Variants in SMYD3 observed in about 807,000 individuals in gnomAD.
SMYD3 encodes the protein SET and MYND domain containing 3, also known as histone-lysine N-methyltransferase SMYD3.
Under a neutral mutation model 57.7 loss-of-function variants are expected in SMYD3, and 36 were observed. The ratio of observed to expected loss-of-function variants is 0.62; its 90% CI spans 0.48 to 0.82. The LOEUF (loss-of-function observed/expected upper bound fraction) is 0.82. Among genes scored for constraint, SMYD3 ranks in the 40% least tolerant of loss-of-function variants. The probability of loss-of-function intolerance (pLI) is 0.00; values close to 1 mark genes in which losing one functional copy is unlikely to be tolerated. For missense variants in SMYD3, 515 were observed against 538.8 expected, an observed-to-expected ratio of 0.96 and a Z score of 0.44; for synonymous variants, 211 against 195.0, an observed-to-expected ratio of 1.08 and a Z score of -0.68.
chr1:246,263,421 G>C (rs1572300717), intron 5 of SMYD3, among the ~76,000 whole-genome samples: 1 of 152,114 alleles, frequency 6.6e-6, no homozygotes, highest in African/African-American at 2.4e-5. Flanking sequence ...AAGTTAGGGA[G>C]GCTGGGAAAT....
At position 246,189,195 on chromosome 1, in the gene SMYD3, T is replaced by A. The variant is rs191483883; in HGVS notation, c.531+138006A>T. ...CTAACTTCTTAAAGAGAAAGGTACCTTGTTGCCATGTCCTCCCTCCCACCC... is the reference window on the plus strand; with the variant it reads ...CTAACTTCTTAAAGAGAAAGGTACCATGTTGCCATGTCCTCCCTCCCACCC... On this transcript the variant is annotated intron_variant, in intron 5 of 11. Transcript: ENST00000490107. The A allele has an allele frequency of 1.7e-4, 26 of 152,332 alleles. No individual in the cohort carries two copies. In the East Asian group the frequency reaches 5.0e-3, roughly 29 times the overall value. The allele number at this position is 152,332 out of a possible 1,614,324, so 9.4% of individuals were successfully genotyped here.
Position 245,863,883 on chromosome 1 carries a change from C to T in SMYD3, c.817G>A (p.Ala273Thr), listed in dbSNP as rs528447805. The T allele has an allele frequency of 1.1e-4, 174 of 1,613,988 alleles. 1 individual carries two copies. The South Asian group carries it at 1.9e-3, about 17-fold the overall frequency. Reference protein sequence around the residue: ...CFRCQTQDKDADMLTGDEQVW... With the variant: ...CFRCQTQDKDTDMLTGDEQVW... The stretch of plus-strand genomic sequence containing the variant: ...TGCTCATCACCAGTTAGCATATCAG[C>T]ATCCTGCTCAGGCCAGAAAAGGAAG... The change falls in exon 9 of 12, where the codon GCT becomes ACT. Residue 273 changes from alanine to threonine, a missense_variant. Coordinates refer to ENST00000490107, the MANE Select transcript of SMYD3 (RefSeq NM_001167740.2).
chr1:246,304,234 T>C (rs556639503), intron 5 of SMYD3, among the ~76,000 whole-genome samples: 69 of 152,306 alleles, frequency 4.5e-4, no homozygotes, highest in African/African-American at 1.6e-3. Context: ...AAAATACATT[T>C]GCATGAACTC....
chr1:245,775,507 A>G (rs2046544722), intron 10 of SMYD3, among the ~76,000 whole-genome samples: 1 of 150,900 alleles, frequency 6.6e-6, no homozygotes, highest in Non-Finnish European at 1.5e-5. Flanking sequence ...CAGATGCTTG[A>G]AGGCAGCAGG....
chr1:246,125,312 GTTAATT>G (rs1297437626), intron 5 of SMYD3, among the ~76,000 whole-genome samples: 1 of 152,118 alleles, frequency 6.6e-6, no homozygotes, highest in Non-Finnish European at 1.5e-5. Flanking sequence ...CTTTCATCAT[GTTAATT>G]TTATCTGAAG....
At chr1:246,338,368 ACT>A (rs2065578031) in intron 2 of SMYD3, among the ~76,000 whole-genome samples, 1 of 152,194 alleles carries the variant, frequency 6.6e-6, no homozygotes. Flanking sequence ...CATTATCTTC[ACT>A]CAACAAACTA....
intron 5 of SMYD3, among the ~76,000 whole-genome samples, chr1:246,100,639 C>G (rs12561958): frequency 0.021 from 3,187 of 152,318 alleles, 142 homozygotes; most frequent in East Asian, 0.15. Context: ...TATTCACCCT[C>G]AGAGTTGGAA....
rs546688103 is a variant in SMYD3 at position 245,817,230 on chromosome 1, TCCCTGAC to T, written c.1076+41259_1076+41265del. 4.8e-3 allele frequency among the ~76,000 whole-genome samples: 691 copies of T among 144,954 alleles called. 6 individuals are homozygous for T. Among genetic ancestry groups the T allele is most frequent in the African/African-American group, 0.017 (641 of 38,624 alleles). On this transcript the variant is annotated intron_variant, in intron 10 of 11. Coordinates refer to ENST00000490107, the MANE Select transcript of SMYD3 (RefSeq NM_001167740.2). ...CGGGCAGACTGCCTCCTCAAGTGGG[TCCCTGAC>T]CCCTGACCCCCGAGCAGCCTAACTG... is the stretch of plus-strand genomic sequence containing the variant.
chr1:246,119,982 G>T (rs1031600364), intron 5 of SMYD3, among the ~76,000 whole-genome samples: 51 of 152,302 alleles, frequency 3.3e-4, no homozygotes, highest in African/African-American at 1.2e-3. Flanking sequence ...CTTCAGAAAT[G>T]AAGACCCAAA....
intron 5 of SMYD3, among the ~76,000 whole-genome samples, chr1:245,994,971 A>C (rs1252113864): frequency 6.6e-6 from 1 of 152,100 alleles, no homozygotes; most frequent in Non-Finnish European, 1.5e-5. Flanking sequence ...CTAAAAATAT[A>C]AAAATTAGCT....
chr1:246,394,125 G>A (rs2066617355), intron 1 of SMYD3, among the ~76,000 whole-genome samples: 1 of 152,182 alleles, frequency 6.6e-6, no homozygotes, highest in Non-Finnish European at 1.5e-5. Flanking sequence ...AATGATACTA[G>A]TAGGACAATC....
At chr1:246,214,058 C>T (rs911265143) in intron 5 of SMYD3, among the ~76,000 whole-genome samples, 3 of 152,078 alleles carry the variant, frequency 2.0e-5, no homozygotes, top group Non-Finnish European at 2.9e-5. Context: ...AGGTACTGTT[C>T]CAGAATTAGC....
At chr1:245,802,002 T>C (rs2047891855) in intron 10 of SMYD3, among the ~76,000 whole-genome samples, 1 of 152,120 alleles carries the variant, frequency 6.6e-6, no homozygotes, top group African/African-American at 2.4e-5. Context: ...AGACTTGTTA[T>C]ATATAATCAA....
chr1:246,243,516 G>A (rs1272425035), intron 5 of SMYD3, among the ~76,000 whole-genome samples: 2 of 150,318 alleles, frequency 1.3e-5, no homozygotes, highest in Non-Finnish European at 2.9e-5. Context: ...ACCTGCCTCT[G>A]GAAATCCTAT....
chr1:246,227,521 A>AG (rs1396750212), intron 5 of SMYD3, among the ~76,000 whole-genome samples: 1 of 152,166 alleles, frequency 6.6e-6, no homozygotes, highest in African/African-American at 2.4e-5. Flanking sequence ...AGGCTGAGGC[A>AG]GGAGAATCAC....
chr1:246,101,281 A>C (rs915378012), intron 5 of SMYD3, among the ~76,000 whole-genome samples: 17 of 152,062 alleles, frequency 1.1e-4, no homozygotes, highest in African/African-American at 3.9e-4. Flanking sequence ...CAGAAAACAG[A>C]AACAAATATA....
intron 10 of SMYD3, among the ~76,000 whole-genome samples, chr1:245,803,411 T>C (rs548871699): frequency 3.8e-4 from 55 of 145,382 alleles, no homozygotes; most frequent in African/African-American, 1.5e-3. Context: ...CCATATGAAC[T>C]GGCCAATTTC....
chr1:245,761,601 C>A (rs1439355648), intron 11 of SMYD3, among the ~76,000 whole-genome samples: 1 of 152,128 alleles, frequency 6.6e-6, no homozygotes, highest in Non-Finnish European at 1.5e-5. Flanking sequence ...CCATATTTTT[C>A]CCTGAGTTGG....
chr1:245,888,707 G>GCCTCTGT (rs761170740), intron 8 of SMYD3, among the ~76,000 whole-genome samples: 1 of 152,210 alleles, frequency 6.6e-6, no homozygotes, highest in Non-Finnish European at 1.5e-5. Context: ...TACAAAGTAT[G>GCCTCTGT]CTCTCTCACG....
Sources: gnomAD v4.1 joint callset for allele counts (sites outside exome capture counted in the v4.1 genomes callset) on GRCh38, gnomAD v4.1.1 for gene constraint, MANE v1.5 for transcripts, NCBI Gene and HGNC (gene_info 2026-07-23, HGNC 2026-07-21) for gene names.